Variants in TBC1D30 observed in about 807,000 individuals in gnomAD.
TBC1D30 encodes the protein TBC1 domain family member 30, also known as TBC1 domain family, member 30.
A neutral mutation model predicts 63.2 loss-of-function variants in TBC1D30; 31 were observed. The ratio of observed to expected loss-of-function variants is 0.49; its 90% confidence interval spans 0.37 to 0.66. TBC1D30 has a LOEUF of 0.66. Ranked by LOEUF, TBC1D30 falls within the 30% of genes least tolerant of loss-of-function variation. The pLI is 0.00. For missense variants in TBC1D30, 810 were observed against 953.6 expected (o/e 0.85, Z 1.98); for synonymous variants, 307 against 361.5 (o/e 0.85, Z 1.71).
rs1170531115 is a variant in TBC1D30, at chr12:64,876,921, C to G, written c.*1133C>G. On this transcript the variant is annotated 3_prime_UTR_variant, in exon 12 of 12. Transcript: ENST00000539867. The stretch of plus-strand genomic sequence containing the variant: ...TGAGCCACACAGAGGTGAAGTAGCA[C>G]TTCAGTTACTCAAGGTCAGTACTCT... 2 of 456,048 alleles carry G rather than the reference C, an allele frequency of 4.4e-6. No homozygotes were observed. The highest frequency in any genetic ancestry group is 3.1e-5 in the South Asian group (2 of 64,552). The allele number at this position is 456,048 out of a possible 1,614,324, so 28.3% of individuals were successfully genotyped here.
chr12:64,867,022 CT>C, intron 10 of TBC1D30, 119 bp downstream of exon 10: 5 of 1,125,594 alleles, frequency 4.4e-6, no homozygotes, highest in Non-Finnish European at 6.1e-6. Context: ...TATTAAAAGT[CT>C]TTATTAGGCT....
In TBC1D30 at chr12:64,829,394, A is replaced by G. The variant is rs185132254; in HGVS notation, c.282+885A>G. Among the ~76,000 whole-genome samples the G allele has an allele frequency of 3.9e-5, 6 of 152,296 alleles. No individual in the cohort carries two copies. The East Asian group carries it at 1.2e-3, about 29-fold the overall frequency. ...TACATGAATTCCTCTTGGACTGAAT[A>G]TAAGGTATAAAAGGGATGTCAAAGA... On this transcript the variant is annotated intron_variant, in intron 3 of 11. Transcript: ENST00000539867.
At chr12:64,868,282 T>A (rs1230362924) in intron 10 of TBC1D30, 2 of 157,040 alleles carry the variant, frequency 1.3e-5, no homozygotes, top group Non-Finnish European at 2.8e-5. Flanking sequence ...CGCCATGAAA[T>A]GTATGGTTCT....
At chr12:64,778,366 C>T (rs983867995), upstream of TBC1D30, among the ~76,000 whole-genome samples, 1 of 151,590 alleles carries the variant, frequency 6.6e-6, no homozygotes, top group African/African-American at 2.4e-5. Context: ...TTCCTGCGCT[C>T]GGAAGCTTAC....
chr12:64,874,239 C>A (rs756137884), intron 11 of TBC1D30, among the ~76,000 whole-genome samples: 1 of 152,172 alleles, frequency 6.6e-6, no homozygotes, highest in Non-Finnish European at 1.5e-5. Context: ...AGGCATGCAC[C>A]ATCACACCTG....
intron 2 of TBC1D30, among the ~76,000 whole-genome samples, chr12:64,814,815 C>G (rs1873426588): frequency 1.3e-5 from 2 of 152,172 alleles, no homozygotes; most frequent in Admixed American, 1.3e-4. Context: ...TATTTCTCTA[C>G]TACCAAAACT....
At position 64,880,093 on chromosome 12, in the gene TBC1D30, G is replaced by A. The variant is rs916185224; in HGVS notation, c.*4305G>A. ...TGGACCATTGAAGTGGGAGTTATCT[G>A]TTATCCACATCAGGCAGCTCAGAGT... is the stretch of plus-strand genomic sequence containing the variant. On this transcript the variant is annotated 3_prime_UTR_variant, in exon 12 of 12. Transcript: ENST00000539867. 2 of 152,224 alleles carry A rather than the reference G, an allele frequency of 1.3e-5. No individual in the cohort carries two copies. Among genetic ancestry groups the A allele is most frequent in the African/African-American group, 4.8e-5 (2 of 41,454 alleles). The allele number at this position is 152,224 out of a possible 1,614,324, so 9.4% of individuals were successfully genotyped here.
At chr12:64,830,866 G>A (rs527266946) in intron 4 of TBC1D30, among the ~76,000 whole-genome samples, 1 of 152,252 alleles carries the variant, frequency 6.6e-6, no homozygotes, top group African/African-American at 2.4e-5. Context: ...GAATGATTTG[G>A]TTCTTATTAG....
intron 1 of TBC1D30, among the ~76,000 whole-genome samples, chr12:64,775,280 A>C (rs1871041747): frequency 1.3e-5 from 2 of 152,238 alleles, no homozygotes; most frequent in East Asian, 3.9e-4. Context: ...TATACATATC[A>C]ATAATAACCT....
At chr12:64,820,759 A>C (rs1382198332), upstream of TBC1D30, among the ~76,000 whole-genome samples, 1 of 152,256 alleles carries the variant, frequency 6.6e-6, no homozygotes, top group East Asian at 1.9e-4. Flanking sequence ...CAGACATGAA[A>C]TAAAAAACTG....
intron 2 of TBC1D30, among the ~76,000 whole-genome samples, chr12:64,792,822 C>A (rs929286338): frequency 1.6e-4 from 24 of 152,124 alleles, no homozygotes; most frequent in African/African-American, 5.8e-4. Context: ...GATGCACCTG[C>A]CTTGGCCTCC....
chr12:64,819,102 C>G (rs1195522882), intron 2 of TBC1D30, among the ~76,000 whole-genome samples: 8 of 152,128 alleles, frequency 5.3e-5, no homozygotes, highest in Non-Finnish European at 1.2e-4. Flanking sequence ...AATTTTAAAG[C>G]CTCTCTGTTC....
rs772315997 is a variant in TBC1D30, at chr12:64,827,918, C to T, written c.216+22C>T. 9 of 1,517,580 alleles carry T rather than the reference C, an allele frequency of 5.9e-6. No individual in the cohort carries two copies. In the South Asian group the frequency reaches 8.4e-5, roughly 14 times the overall value. 94.0% of individuals were successfully genotyped at this position (1,517,580 alleles called of 1,614,324 possible). Reference sequence around the variant, plus strand: ...GCAGGTAACTTTGATTTTGAAAACACTCTTCTTTTGGGGTTACCAACAGGG... The same window carrying T: ...GCAGGTAACTTTGATTTTGAAAACATTCTTCTTTTGGGGTTACCAACAGGG... On this transcript the variant is annotated intron_variant, in intron 2 of 11. Coordinates refer to ENST00000539867, the MANE Select transcript of TBC1D30 (RefSeq NM_015279.2).
chr12:64,866,477 C>T (rs1386982616), intron 9 of TBC1D30, among the ~76,000 whole-genome samples: 2 of 151,680 alleles, frequency 1.3e-5, no homozygotes, highest in African/African-American at 4.8e-5. Context: ...GCTCTGTCGT[C>T]GCCCAGGCTG....
At position 64,791,639 on chromosome 12, in the gene TBC1D30, G is replaced by C. The variant is rs372671910; in HGVS notation, c.643+5594G>C. On this transcript the variant is annotated intron_variant, in intron 2 of 12. Transcript: ENST00000542120. ...AAGTGATTCTCCCACGGCCTCCCGA[G>C]TAGTTGGGACTGCGGGTGTGTGCCA... is the stretch of plus-strand genomic sequence containing the variant. Among the ~76,000 whole-genome samples the C allele has an allele frequency of 5.3e-5, 8 of 152,012 alleles. No individual in the cohort carries two copies. In the East Asian group the frequency reaches 1.5e-3, roughly 29 times the overall value.
chr12:64,768,727 A>G (rs1341511701), intron 1 of TBC1D30, among the ~76,000 whole-genome samples: 1 of 152,212 alleles, frequency 6.6e-6, no homozygotes, highest in African/African-American at 2.4e-5. Context: ...CTCTTGGCAA[A>G]TGCAAGATTG....
chr12:64,821,788 G>A (rs1382976521), upstream of TBC1D30, among the ~76,000 whole-genome samples: 3 of 152,214 alleles, frequency 2.0e-5, no homozygotes, highest in Non-Finnish European at 4.4e-5. Flanking sequence ...GTAAAAAGTT[G>A]ATGGTTGATG....
intron 8 of TBC1D30, among the ~76,000 whole-genome samples, chr12:64,849,958 T>C (rs1336722046): frequency 6.6e-6 from 1 of 152,180 alleles, no homozygotes; most frequent in Non-Finnish European, 1.5e-5. Flanking sequence ...TGAGCAGTGA[T>C]TTGTAGTTCT....
intron 10 of TBC1D30, among the ~76,000 whole-genome samples, chr12:64,869,775 T>TA (rs1228529813): frequency 2.6e-5 from 4 of 152,158 alleles, no homozygotes; most frequent in African/African-American, 4.8e-5. Context: ...ATGATTACAG[T>TA]AAAAAAATGA....
Sources: gnomAD v4.1 joint callset for allele counts (sites outside exome capture counted in the v4.1 genomes callset) on GRCh38, gnomAD v4.1.1 for gene constraint, MANE v1.5 for transcripts, NCBI Gene and HGNC (gene_info 2026-07-23, HGNC 2026-07-21) for gene names.